Variants in GRM7 observed in about 807,000 individuals in gnomAD.
GRM7 encodes the protein metabotropic glutamate receptor 7.
In GRM7, 35 loss-of-function variants were observed where a neutral mutation model predicts 84.5. That is an observed-to-expected ratio of 0.41 (90% CI 0.32 to 0.55). GRM7 has a LOEUF of 0.55. GRM7 is among the 20% of genes least tolerant of loss of function. The pLI, the probability that GRM7 is intolerant of heterozygous loss-of-function variation, is 0.19. For missense variants in GRM7, 1,003 were observed against 1,194.6 expected, an observed-to-expected ratio of 0.84 and a Z score of 2.36; for synonymous variants, 487 against 455.1, an observed-to-expected ratio of 1.07 and a Z score of -0.89.
chr3:7,410,826 A>G (rs1695904144), intron 4 of GRM7, among the ~76,000 whole-genome samples: 1 of 152,124 alleles, frequency 6.6e-6, no homozygotes, highest in Non-Finnish European at 1.5e-5. Context: ...AGGATTTTTT[A>G]TTTACTAAGG....
intron 4 of GRM7, among the ~76,000 whole-genome samples, chr3:7,354,628 C>T (rs191885916): frequency 1.3e-5 from 2 of 152,086 alleles, no homozygotes; most frequent in African/African-American, 4.8e-5. Flanking sequence ...GTGGTGATTC[C>T]CACATCCCCA....
intron 8 of GRM7, among the ~76,000 whole-genome samples, chr3:7,613,847 G>C (rs2125082001): frequency 6.6e-6 from 1 of 152,264 alleles, no homozygotes; most frequent in East Asian, 1.9e-4. Context: ...GGGAAACTCT[G>C]CGAAAACATT....
chr3:7,518,344 T>C (rs376600351), intron 7 of GRM7, among the ~76,000 whole-genome samples: 1 of 152,214 alleles, frequency 6.6e-6, no homozygotes, highest in Non-Finnish European at 1.5e-5. Context: ...TGAAGGTTCT[T>C]ATGTAAAGTG....
chr3:7,696,012 T>C (rs1420479230), intron 9 of GRM7, among the ~76,000 whole-genome samples: 2 of 152,194 alleles, frequency 1.3e-5, no homozygotes, highest in Admixed American at 6.5e-5. Flanking sequence ...AGCTCCCATA[T>C]TGGACCACAA....
chr3:6,947,072 A>G (rs959484394), intron 1 of GRM7, among the ~76,000 whole-genome samples: 1 of 152,194 alleles, frequency 6.6e-6, no homozygotes, highest in African/African-American at 2.4e-5. Context: ...TGCCCTGGCC[A>G]GAACTTCCAA....
chr3:7,484,765 C>T (rs891616167), intron 7 of GRM7, among the ~76,000 whole-genome samples: 2 of 152,186 alleles, frequency 1.3e-5, no homozygotes, highest in African/African-American at 4.8e-5. Context: ...TTGAGTGCTC[C>T]TTACCTCCTG....
At chr3:7,356,823 C>A (rs546328796) in intron 4 of GRM7, among the ~76,000 whole-genome samples, 1 of 150,932 alleles carries the variant, frequency 6.6e-6, no homozygotes, top group Non-Finnish European at 1.5e-5. Flanking sequence ...TTTTGAACTT[C>A]GATTTAGCTA....
chr3:7,680,536 C>T (rs1041305410), intron 9 of GRM7: 3 of 503,120 alleles, frequency 6.0e-6, no homozygotes, highest in African/African-American at 3.9e-5. Context: ...AAGCCTCCCC[C>T]TTCCCTTGCT....
intron 5 of GRM7, among the ~76,000 whole-genome samples, chr3:7,439,718 C>G (rs928415005): frequency 1.3e-5 from 2 of 152,126 alleles, no homozygotes; most frequent in African/African-American, 2.4e-5. Flanking sequence ...TGGGGCTATG[C>G]AAGGGGGAAA....
chr3:7,222,471 C>G (rs544283986), intron 2 of GRM7, among the ~76,000 whole-genome samples: 9 of 152,140 alleles, frequency 5.9e-5, no homozygotes, highest in African/African-American at 1.9e-4. Context: ...GGAAATGGAG[C>G]CTCAGTCCCA....
At chr3:7,205,345 G>A (rs1202471853) in intron 2 of GRM7, among the ~76,000 whole-genome samples, 1 of 152,150 alleles carries the variant, frequency 6.6e-6, no homozygotes, top group Non-Finnish European at 1.5e-5. Flanking sequence ...TTAATAATTT[G>A]GGAAAGATCT....
chr3:7,711,924 T>C (rs1701594212), intron 9 of GRM7, among the ~76,000 whole-genome samples: 1 of 152,202 alleles, frequency 6.6e-6, no homozygotes, highest in Non-Finnish European at 1.5e-5. Context: ...AACCAATGAA[T>C]AGCCCAAGAA....
At chr3:7,348,887 G>A (rs770776087) in intron 4 of GRM7, among the ~76,000 whole-genome samples, 1 of 152,100 alleles carries the variant, frequency 6.6e-6, no homozygotes, top group Non-Finnish European at 1.5e-5. Context: ...GAAATTCAAA[G>A]AGAACATGAA....
chr3:7,405,872 A>G (rs1029680617), intron 4 of GRM7, among the ~76,000 whole-genome samples: 2 of 152,078 alleles, frequency 1.3e-5, no homozygotes, highest in African/African-American at 4.8e-5. Context: ...AGGTTATCAC[A>G]TCATCTAATA....
intron 9 of GRM7, among the ~76,000 whole-genome samples, chr3:7,733,918 C>T (rs139943755): frequency 0.011 from 1,661 of 152,224 alleles, 40 homozygotes; most frequent in African/African-American, 0.039. Context: ...AAAAGCCTTC[C>T]CAGGCTTAGC....
At chr3:7,700,460 T>A (rs890567008) in intron 9 of GRM7, among the ~76,000 whole-genome samples, 3 of 152,232 alleles carry the variant, frequency 2.0e-5, no homozygotes, top group African/African-American at 4.8e-5. Flanking sequence ...TCAGTCTAGA[T>A]CGGTCATTCT....
At chr3:7,418,808 G>C (rs1696278651) in intron 5 of GRM7, among the ~76,000 whole-genome samples, 1 of 152,178 alleles carries the variant, frequency 6.6e-6, no homozygotes, top group Non-Finnish European at 1.5e-5. Context: ...GAAACCATTG[G>C]TTTTGGAATC....
intron 1 of GRM7, among the ~76,000 whole-genome samples, chr3:6,960,192 C>A (rs1693236651): frequency 6.6e-6 from 1 of 152,092 alleles, no homozygotes; most frequent in African/African-American, 2.4e-5. Context: ...GCTGAGCCAC[C>A]CCCAATCCAT....
intron 5 of GRM7, among the ~76,000 whole-genome samples, chr3:7,438,327 C>G (rs1697143834): frequency 6.6e-6 from 1 of 151,954 alleles, no homozygotes. Context: ...ATTTGGGAAT[C>G]AGAATCTCTG....
Sources: gnomAD v4.1 joint callset for allele counts (sites outside exome capture counted in the v4.1 genomes callset) on GRCh38, gnomAD v4.1.1 for gene constraint, MANE v1.5 for transcripts, NCBI Gene and HGNC (gene_info 2026-07-23, HGNC 2026-07-21) for gene names.